The following LRRN3 variants were observed in gnomAD, a reference collection of about 807,000 sequenced individuals.
LRRN3 encodes leucine rich repeat neuronal 3, also known as leucine-rich repeat neuronal protein 3.
LRRN3 carries 15 observed loss-of-function variants against 40.1 expected under a neutral mutation model. The observed-to-expected ratio is 0.37, with a 90% CI of 0.25 to 0.58. LRRN3 has a LOEUF of 0.58. Among genes scored for constraint, LRRN3 ranks in the 20% least tolerant of loss-of-function variants. The probability of loss-of-function intolerance (pLI) is 0.72; values close to 1 mark genes in which losing one functional copy is unlikely to be tolerated. For missense variants in LRRN3, 746 were observed against 837.7 expected, an observed-to-expected ratio of 0.89 and a Z score of 1.35; for synonymous variants, 308 against 297.2, an observed-to-expected ratio of 1.04 and a Z score of -0.37.
chr7:111,098,022 C>T (rs1415615264), intron 1 of LRRN3, among the ~76,000 whole-genome samples: 3 of 151,680 alleles, frequency 2.0e-5, no homozygotes, highest in Admixed American at 2.0e-4. Flanking sequence ...GAAAGTGCAA[C>T]AGAACAGAAT....
intron 2 of LRRN3, among the ~76,000 whole-genome samples, chr7:111,111,413 A>G (rs939128987): frequency 1.3e-5 from 2 of 149,022 alleles, no homozygotes; most frequent in Admixed American, 1.3e-4. Context: ...CCCCCCCCAA[A>G]AAAAAATGGC....
intron 2 of LRRN3, among the ~76,000 whole-genome samples, chr7:111,111,941 TG>T (rs1470169176): frequency 1.8e-4 from 25 of 136,888 alleles, no homozygotes; most frequent in African/African-American, 4.5e-4. Flanking sequence ...ATATATAGTT[TG>T]TTTTTTTTTT....
intron 2 of LRRN3, among the ~76,000 whole-genome samples, chr7:111,108,814 T>C (rs1405777631): frequency 1.3e-5 from 2 of 152,160 alleles, no homozygotes; most frequent in African/African-American, 2.4e-5. Flanking sequence ...GAGTACCTCG[T>C]ACAGCAAATT....
At chr7:111,114,694 C>T (rs1209190472) in intron 2 of LRRN3, among the ~76,000 whole-genome samples, 10 of 147,438 alleles carry the variant, frequency 6.8e-5, no homozygotes, top group Non-Finnish European at 1.3e-4. Context: ...GAGCCGAGAT[C>T]GCACCACTGC....
chr7:111,124,892 T>C lies in LRRN3; in HGVS notation c.2120T>C (p.Met707Thr). ...KATVIGLPTN[M>T]S Reference sequence around the variant, plus strand: ...ACTGTTATAGGTTTACCAACAAATATGTCCTAAAAACCACCAAGGAAACCT... The same window carrying C: ...ACTGTTATAGGTTTACCAACAAATACGTCCTAAAAACCACCAAGGAAACCT... The change falls in exon 3 of 3, where the codon ATG becomes ACG. Residue 707 changes from methionine to threonine, a missense_variant. By Grantham distance (81) the Met-to-Thr change is moderately conservative. Coordinates refer to ENST00000308478, the MANE Select transcript of LRRN3 (RefSeq NM_001099658.2). The C allele has an allele frequency of 1.3e-6, 2 of 1,557,668 alleles. No individual in the cohort carries two copies. Among genetic ancestry groups the C allele is most frequent in the Non-Finnish European group, 1.7e-6 (2 of 1,159,564 alleles).
chr7:111,114,824 A>G (rs1013003618), intron 2 of LRRN3, among the ~76,000 whole-genome samples: 18 of 152,244 alleles, frequency 1.2e-4, no homozygotes, highest in African/African-American at 4.1e-4. Context: ...CAAAAATTAT[A>G]TAATAATAGA....
intron 2 of LRRN3, among the ~76,000 whole-genome samples, chr7:111,115,726 G>A (rs964343685): frequency 6.6e-6 from 1 of 151,950 alleles, no homozygotes; most frequent in Non-Finnish European, 1.5e-5. Flanking sequence ...GAGTGCAGCT[G>A]GCACCATCTG....
intron 2 of LRRN3, among the ~76,000 whole-genome samples, chr7:111,115,333 C>T (rs1799751406): frequency 6.6e-6 from 1 of 152,086 alleles, no homozygotes. Flanking sequence ...TAATCATGTA[C>T]AAAAGTCAAC....
chr7:111,101,934 A>G (rs1490856328), intron 2 of LRRN3, among the ~76,000 whole-genome samples: 1 of 151,500 alleles, frequency 6.6e-6, no homozygotes, highest in African/African-American at 2.4e-5. Context: ...ACATCTACCA[A>G]AAATGGACAA....
chr7:111,115,753 C>T (rs1241789785), intron 2 of LRRN3, among the ~76,000 whole-genome samples: 2 of 152,066 alleles, frequency 1.3e-5, no homozygotes, highest in East Asian at 1.9e-4. Flanking sequence ...CTGCAGCCAC[C>T]GCCTCCCAGG....
chr7:111,122,848 A>G lies in LRRN3; in HGVS notation c.76A>G (p.Lys26Glu). 3.7e-6 allele frequency: 6 copies of G among 1,613,988 alleles called. No individual in the cohort carries two copies. The highest frequency in any genetic ancestry group is 3.4e-6 in the Non-Finnish European group (4 of 1,179,920). The stretch of plus-strand genomic sequence containing the variant: ...TACACTAGTACAAGCTGTAGATAAA[A>G]AAGTGGATTGTCCACGGTTATGTAC... Reference protein sequence around the residue: ...ITTLVQAVDKKVDCPRLCTCE... With the variant: ...ITTLVQAVDKEVDCPRLCTCE... The change falls in exon 3 of 3, where the codon AAA becomes GAA. Residue 26 changes from lysine to glutamate, a missense_variant. By Grantham distance (56) the Lys-to-Glu change is moderately conservative. Coordinates refer to ENST00000308478, the MANE Select transcript of LRRN3 (RefSeq NM_001099658.2).
At chr7:111,097,593 CAA>C (rs1244728822) in intron 1 of LRRN3, among the ~76,000 whole-genome samples, 1 of 151,202 alleles carries the variant, frequency 6.6e-6, no homozygotes. Flanking sequence ...GGAAAAAAAA[CAA>C]AAAAATGTTA....
rs1800817710 is a variant in LRRN3, at chr7:111,122,827, C to G, written c.55C>G (p.Leu19Val). Reference protein sequence around the residue: ...HVLLGLAITTLVQAVDKKVDC... With the variant: ...HVLLGLAITTVVQAVDKKVDC... ...GCTACTTGGCCTAGCTATCACTACA[C>G]TAGTACAAGCTGTAGATAAAAAAGT... Residue 19 changes from leucine (L) to valine (V), a missense_variant, in exon 3 of 3, where the codon CTA becomes GTA. Physicochemically the swap from Leu to Val is conservative, Grantham distance 32. Coordinates refer to ENST00000308478, the MANE Select transcript of LRRN3 (RefSeq NM_001099658.2). 2 of 1,613,900 alleles carry G rather than the reference C, an allele frequency of 1.2e-6. No individual in the cohort carries two copies. Among genetic ancestry groups the G allele is most frequent in the South Asian group, 1.1e-5 (1 of 91,072 alleles).
At chr7:111,094,958 A>C (rs550249356) in intron 1 of LRRN3, among the ~76,000 whole-genome samples, 1 of 152,186 alleles carries the variant, frequency 6.6e-6, no homozygotes, top group Non-Finnish European at 1.5e-5. Context: ...AGGAAGACTT[A>C]ATGTCCATCT....
In LRRN3 at chr7:111,124,782, C is replaced by T. The variant is rs187896572; in HGVS notation, c.2010C>T (p.Thr670=). 2 of 1,613,650 alleles carry T rather than the reference C, an allele frequency of 1.2e-6. No individual in the cohort carries two copies. Among genetic ancestry groups the T allele is most frequent in the East Asian group, 2.2e-5 (1 of 44,858 alleles). The change falls in exon 3 of 3, where the codon ACC becomes ACT. Residue 670 remains threonine, a synonymous_variant. Coordinates refer to ENST00000308478, the MANE Select transcript of LRRN3 (RefSeq NM_001099658.2). ...TGAGGAATTACTTACAGAAACCAAC[C>T]TTTGCATTAGGTGAGCTTTATCCTC... ...SYVRNYLQKP[T]FALGELYPPL... is the part of the protein sequence containing the mutation.
rs1219529634 is a variant in LRRN3, at chr7:111,123,430, G to T, written c.658G>T (p.Ala220Ser). The change falls in exon 3 of 3, where the codon GCT (alanine) becomes TCT (serine). Residue 220 changes from alanine to serine, a missense_variant. By Grantham distance (99) the Ala-to-Ser change is moderately conservative. Transcript: ENST00000308478. The surrounding 1 kb of genome is among the most constrained non-coding windows in gnomAD (Gnocchi z 6.4). Reference sequence around the variant, plus strand: ...TATCAATCTTCGCAGCCTGGTTATAGCTGGTATAAACCTCACAGAAATACC... The same window carrying T: ...TATCAATCTTCGCAGCCTGGTTATATCTGGTATAAACCTCACAGAAATACC... ...PLINLRSLVI[A>S]GINLTEIPDN... 26 of 1,613,488 alleles carry T rather than the reference G, an allele frequency of 1.6e-5. No homozygotes were observed. The highest frequency in any genetic ancestry group is 2.1e-5 in the Non-Finnish European group (25 of 1,179,850).
At chr7:111,104,458 G>A (rs1798318780) in intron 2 of LRRN3, among the ~76,000 whole-genome samples, 1 of 151,742 alleles carries the variant, frequency 6.6e-6, no homozygotes, top group African/African-American at 2.4e-5. Context: ...ATTTTGATAT[G>A]ATGTCACTTT....
intron 2 of LRRN3, among the ~76,000 whole-genome samples, chr7:111,120,510 A>G (rs1317344956): frequency 6.6e-6 from 1 of 152,154 alleles, no homozygotes; most frequent in Non-Finnish European, 1.5e-5. Flanking sequence ...GAATTATCGG[A>G]GCTACAATTC....
intron 2 of LRRN3, among the ~76,000 whole-genome samples, chr7:111,107,735 A>G (rs565175333): frequency 1.3e-5 from 2 of 152,254 alleles, no homozygotes; most frequent in Admixed American, 1.3e-4. Context: ...TCTAGTGAGT[A>G]ATAATTTTGT....
Sources: gnomAD v4.1 joint callset for allele counts (sites outside exome capture counted in the v4.1 genomes callset) on GRCh38, gnomAD v4.1.1 for gene constraint, Gnocchi (gnomAD v3.1) non-coding constraint, MANE v1.5 for transcripts, NCBI Gene and HGNC (gene_info 2026-07-23, HGNC 2026-07-21) for gene names.